PRLR: variants seen among roughly 807,000 people sequenced by gnomAD.
PRLR encodes the protein hPRL receptor.
In PRLR, 13 loss-of-function variants were observed where a neutral mutation model predicts 40.2. That is an observed-to-expected ratio of 0.32 (90% CI 0.21 to 0.51). The LOEUF is 0.51. PRLR is among the 20% of genes least tolerant of loss of function. The pLI, the probability that PRLR is intolerant of heterozygous loss-of-function variation, is 0.97. For synonymous variants in PRLR, 269 were observed against 278.7 expected (o/e 0.97, Z 0.35); for missense variants, 656 against 747.3 (o/e 0.88, Z 1.42).
intron 1 of PRLR, among the ~76,000 whole-genome samples, chr5:35,136,670 T>C (rs539503953): frequency 4.7e-4 from 71 of 152,280 alleles, no homozygotes; most frequent in African/African-American, 1.4e-3. Context: ...ATTCGTTTCC[T>C]GTCTCTGCTA....
At chr5:35,127,269 A>C (rs1773502034) in intron 1 of PRLR, among the ~76,000 whole-genome samples, 1 of 152,232 alleles carries the variant, frequency 6.6e-6, no homozygotes, top group African/African-American at 2.4e-5. Context: ...GCAGTGTTCC[A>C]TGTGCATGCC....
intron 1 of PRLR, among the ~76,000 whole-genome samples, chr5:35,134,552 G>A (rs1003164136): frequency 1.3e-5 from 2 of 152,328 alleles, no homozygotes; most frequent in South Asian, 2.1e-4. Flanking sequence ...TTGACTACAC[G>A]ATGCCAAAAT....
chr5:35,092,143 A>C (rs1330702651), intron 2 of PRLR, among the ~76,000 whole-genome samples: 2 of 152,132 alleles, frequency 1.3e-5, no homozygotes, highest in Non-Finnish European at 2.9e-5. Context: ...CTCCTAAATA[A>C]AGTTTTCCTA....
chr5:35,225,823 A>G (rs1776532313), intron 1 of PRLR, among the ~76,000 whole-genome samples: 1 of 152,156 alleles, frequency 6.6e-6, no homozygotes, highest in South Asian at 2.1e-4. Context: ...CTGGGATTAC[A>G]GGCACCCACC....
chr5:35,051,824 A>T (rs1289649271), downstream of PRLR, among the ~76,000 whole-genome samples: 1 of 152,222 alleles, frequency 6.6e-6, no homozygotes, highest in Non-Finnish European at 1.5e-5. Context: ...CCTAAAACAT[A>T]ATGACACAGA....
intron 5 of PRLR, among the ~76,000 whole-genome samples, chr5:35,077,709 AG>A (rs1216401395): frequency 6.6e-6 from 1 of 152,214 alleles, no homozygotes; most frequent in Non-Finnish European, 1.5e-5. Context: ...CGGACCTAAT[AG>A]ACATCTACAG....
rs565990776 is a variant in PRLR at position 35,223,527 on chromosome 5, C to T, written c.-106+6741G>A. Among the ~76,000 whole-genome samples the T allele has an allele frequency of 2.0e-5, 3 of 152,318 alleles. No individual in the cohort carries two copies. In the South Asian group the frequency reaches 6.2e-4, roughly 32 times the overall value. The stretch of plus-strand genomic sequence containing the variant: ...CATCACGCACCCCCGAACCCATGTA[C>T]ATTTCCACTGCCACACCACTGTGCA... On this transcript the variant is annotated intron_variant, in intron 1 of 9. Coordinates refer to ENST00000618457, the MANE Select transcript of PRLR (RefSeq NM_000949.7).
At chr5:35,152,480 CA>C (rs1490170025) in intron 1 of PRLR, among the ~76,000 whole-genome samples, 1 of 151,986 alleles carries the variant, frequency 6.6e-6, no homozygotes, top group Non-Finnish European at 1.5e-5. Context: ...CAAATCATCA[CA>C]AAAAATTTTA....
intron 1 of PRLR, among the ~76,000 whole-genome samples, chr5:35,181,079 T>C (rs1775284893): frequency 1.3e-5 from 2 of 151,866 alleles, no homozygotes; most frequent in Admixed American, 1.3e-4. Context: ...AGCAGCACAT[T>C]TAGTCCTAAA....
Position 35,166,526 on chromosome 5 carries a change from G to A in PRLR, c.-105-48404C>T, listed in dbSNP as rs183778637. ...ATTTGGTAGTCCACAGAGTTAACCA[G>A]GTAATTTAATTAGCTGGGATGGTTG... On this transcript the variant is annotated intron_variant, in intron 1 of 9. Transcript: ENST00000618457. 2.0e-5 allele frequency among the ~76,000 whole-genome samples: 3 copies of A among 152,168 alleles called. No individual in the cohort carries two copies. In the East Asian group the frequency reaches 5.8e-4, roughly 29 times the overall value.
chr5:35,198,659 A>C (rs1340672332), intron 1 of PRLR, among the ~76,000 whole-genome samples: 1 of 152,222 alleles, frequency 6.6e-6, no homozygotes, highest in African/African-American at 2.4e-5. Flanking sequence ...TTCTAAACAG[A>C]AAAATATGTT....
In PRLR at chr5:35,141,601, G is replaced by T. The variant is rs552094172; in HGVS notation, c.-105-23479C>A. ...ACCATGAAGAATGAAAGAATGTGTG[G>T]CCATTTGAACAGACAGGTATCAACT... is the stretch of plus-strand genomic sequence containing the variant. On this transcript the variant is annotated intron_variant, in intron 1 of 9. Transcript: ENST00000618457. Among the ~76,000 whole-genome samples the T allele has an allele frequency of 2.0e-5, 3 of 152,264 alleles. No individual in the cohort carries two copies. The South Asian group carries it at 6.2e-4, about 32-fold the overall frequency.
At chr5:35,095,683 C>T (rs79656068) in intron 2 of PRLR, among the ~76,000 whole-genome samples, 1,926 of 152,246 alleles carry the variant, frequency 0.013, 45 homozygotes, top group African/African-American at 0.043. Context: ...GACACTTGCT[C>T]GTGTGGTCAT....
chr5:35,160,815 G>A (rs777738336), intron 1 of PRLR, among the ~76,000 whole-genome samples: 4 of 152,044 alleles, frequency 2.6e-5, no homozygotes, highest in African/African-American at 7.2e-5. Flanking sequence ...TTTCTTCTCC[G>A]CTTCAACCAA....
intron 1 of PRLR, among the ~76,000 whole-genome samples, chr5:35,176,661 C>A (rs1330243996): frequency 9.2e-5 from 14 of 152,166 alleles, no homozygotes; most frequent in African/African-American, 3.4e-4. Context: ...TCTCAAGTAC[C>A]CAGGGACACA....
chr5:35,107,270 AG>A, intron 2 of PRLR, among the ~76,000 whole-genome samples: 1 of 152,368 alleles, frequency 6.6e-6, no homozygotes, highest in East Asian at 1.9e-4. Context: ...CACAAGAGAA[AG>A]CAGGAAAGAT....
At chr5:35,159,163 T>C (rs1053926296) in intron 1 of PRLR, among the ~76,000 whole-genome samples, 1 of 151,978 alleles carries the variant, frequency 6.6e-6, no homozygotes, top group African/African-American at 2.4e-5. Flanking sequence ...AGATCTGGAT[T>C]ACAGTTCTAG....
At chr5:35,226,122 G>A (rs1026573213) in intron 1 of PRLR, among the ~76,000 whole-genome samples, 1 of 152,262 alleles carries the variant, frequency 6.6e-6, no homozygotes, top group African/African-American at 2.4e-5. Context: ...GTATTGGACA[G>A]TTCAGTTGTA....
chr5:35,194,395 T>C (rs1209364977), intron 1 of PRLR, among the ~76,000 whole-genome samples: 1 of 152,212 alleles, frequency 6.6e-6, no homozygotes, highest in Non-Finnish European at 1.5e-5. Context: ...GTTAGGCCTC[T>C]GTGCCTATCT....
Sources: allele counts gnomAD v4.1 joint callset (sites outside exome capture counted in the v4.1 genomes callset), GRCh38; gene constraint gnomAD v4.1.1; transcripts MANE v1.5; gene names NCBI Gene and HGNC (gene_info 2026-07-23, HGNC 2026-07-21).